PLD5: variants seen among roughly 807,000 people sequenced by gnomAD.
PLD5 encodes the protein inactive phospholipase D5.
A neutral mutation model predicts 61.1 loss-of-function variants in PLD5; 36 were observed. That is an observed-to-expected ratio of 0.59 (90% confidence interval 0.45 to 0.78). PLD5 has a LOEUF of 0.78. Among genes scored for constraint, PLD5 ranks in the 30% least tolerant of loss-of-function variants. The pLI, the probability that PLD5 is intolerant of heterozygous loss-of-function variation, is 0.00. For synonymous variants in PLD5, 243 were observed against 242.8 expected, an observed-to-expected ratio of 1.00 and a Z score of -0.01; for missense variants, 515 against 644.4, an observed-to-expected ratio of 0.80 and a Z score of 2.17.
chr1:242,229,757 T>C (rs1234629513), intron 4 of PLD5, among the ~76,000 whole-genome samples: 1 of 152,176 alleles, frequency 6.6e-6, no homozygotes, highest in Non-Finnish European at 1.5e-5. Context: ...CGCTATTACT[T>C]CTTGTATTTG....
At chr1:242,198,651 G>A (rs562017343) in intron 5 of PLD5, among the ~76,000 whole-genome samples, 8 of 132,888 alleles carry the variant, frequency 6.0e-5, no homozygotes, top group African/African-American at 2.3e-4. Flanking sequence ...TGTCTAAACT[G>A]AGATGTGCTG....
At chr1:242,185,200 G>A (rs187900896) in intron 5 of PLD5, among the ~76,000 whole-genome samples, 113 of 152,132 alleles carry the variant, frequency 7.4e-4, no homozygotes, top group Admixed American at 2.6e-3. Context: ...TATAATCAAC[G>A]CAGCCCAGCC....
intron 5 of PLD5, among the ~76,000 whole-genome samples, chr1:242,171,368 A>G (rs1337335602): frequency 6.6e-6 from 1 of 152,208 alleles, no homozygotes; most frequent in African/African-American, 2.4e-5. Context: ...CCTGCCTTAC[A>G]GGAGCTCTTG....
intron 1 of PLD5, among the ~76,000 whole-genome samples, chr1:242,454,874 T>C (rs1666898378): frequency 6.6e-6 from 1 of 152,202 alleles, no homozygotes; most frequent in South Asian, 2.1e-4. Context: ...AGTTTACCCT[T>C]TCCGGTTCTA....
chr1:242,138,854 C>T (rs1357351342), intron 5 of PLD5, among the ~76,000 whole-genome samples: 1 of 152,204 alleles, frequency 6.6e-6, no homozygotes. Context: ...CTTACTCCTA[C>T]CTGCCAGGAT....
At chr1:242,391,063 C>A (rs1054057011) in intron 1 of PLD5, among the ~76,000 whole-genome samples, 1 of 152,004 alleles carries the variant, frequency 6.6e-6, no homozygotes, top group Non-Finnish European at 1.5e-5. Flanking sequence ...GGTGTGGTGG[C>A]GGGTATCTGC....
chr1:242,383,905 G>A (rs889436562), intron 1 of PLD5, among the ~76,000 whole-genome samples: 3 of 152,164 alleles, frequency 2.0e-5, no homozygotes, highest in African/African-American at 7.2e-5. Context: ...AAGGAAACTG[G>A]TGTATGTACT....
intron 1 of PLD5, among the ~76,000 whole-genome samples, chr1:242,461,802 A>G (rs1024041284): frequency 1.6e-4 from 25 of 152,148 alleles, no homozygotes; most frequent in Admixed American, 1.1e-3. Context: ...GTGAGATGGT[A>G]TCTGGTTGTG....
intron 3 of PLD5, among the ~76,000 whole-genome samples, chr1:242,279,642 C>T (rs1455512048): frequency 2.0e-5 from 3 of 151,958 alleles, no homozygotes; most frequent in African/African-American, 4.8e-5. Flanking sequence ...CAAGCGATTC[C>T]CCCGCCTCAG....
intron 1 of PLD5, among the ~76,000 whole-genome samples, chr1:242,409,098 AAAAC>A (rs1664405806): frequency 1.3e-5 from 2 of 152,060 alleles, no homozygotes; most frequent in South Asian, 4.2e-4. Context: ...AAAGAAAAGA[AAAAC>A]AAGAAGCACC....
At chr1:242,358,728 AC>A (rs1475519251) in intron 1 of PLD5, among the ~76,000 whole-genome samples, 1 of 152,218 alleles carries the variant, frequency 6.6e-6, no homozygotes, top group African/African-American at 2.4e-5. Context: ...TGATGAATGG[AC>A]CAAACGCTAT....
chr1:242,149,985 T>C (rs1381589919), intron 5 of PLD5, among the ~76,000 whole-genome samples: 2 of 151,842 alleles, frequency 1.3e-5, no homozygotes, highest in Non-Finnish European at 3.0e-5. Context: ...TATAAACTTC[T>C]TTCAAGGCAC....
chr1:242,485,337 CCTT>C (rs1192933335), intron 1 of PLD5, among the ~76,000 whole-genome samples: 1 of 152,206 alleles, frequency 6.6e-6, no homozygotes, highest in Admixed American at 6.5e-5. Context: ...CCCAAAATCT[CCTT>C]AAGCTGATAA....
Position 242,083,710 on chromosome 1 carries a change from A to G in PLD5, c.*6144T>C, listed in dbSNP as rs535305345. 1.3e-5 allele frequency: 2 copies of G among 152,154 alleles called. No homozygotes were observed. The highest frequency in any genetic ancestry group is 1.9e-4 in the East Asian group (1 of 5,188). The allele number at this position is 152,154 out of a possible 1,614,324, so 9.4% of individuals were successfully genotyped here. A position where few individuals can be genotyped will look rare whatever the true frequency, so the allele number is the denominator to read the frequency against. On this transcript the variant is annotated 3_prime_UTR_variant, in exon 10 of 10. Coordinates refer to ENST00000536534, the MANE Select transcript of PLD5 (RefSeq NM_001372062.1). ...AAGCAGCTAATCTTCACTTTTAACT[A>G]TTAAGTGAAATTGTAGATTACGCTC...
At chr1:242,410,519 C>A (rs977476743) in intron 1 of PLD5, among the ~76,000 whole-genome samples, 3 of 151,986 alleles carry the variant, frequency 2.0e-5, no homozygotes, top group South Asian at 4.1e-4. Flanking sequence ...AGTTAAGATA[C>A]CTACTGTTGA....
chr1:242,472,737 ACT>A (rs1214379361), intron 1 of PLD5, among the ~76,000 whole-genome samples: 2 of 152,118 alleles, frequency 1.3e-5, no homozygotes, highest in Non-Finnish European at 2.9e-5. Flanking sequence ...AGTTAAATAG[ACT>A]CTATATTTTA....
Position 242,445,588 on chromosome 1 carries a change from C to T in PLD5, c.189+78500G>A, listed in dbSNP as rs1368252931. 3.9e-5 allele frequency among the ~76,000 whole-genome samples: 6 copies of T among 152,018 alleles called. No individual in the cohort carries two copies. In the East Asian group the frequency reaches 5.8e-4, roughly 15 times the overall value. ...AACTCCTGACCTCAGGCCATCCACC[C>T]GCCTCGGCCTCCCAAAGTGCTGAGA... On this transcript the variant is annotated intron_variant, in intron 1 of 9. Transcript: ENST00000536534.
chr1:242,213,537 T>C (rs756533475), intron 5 of PLD5, among the ~76,000 whole-genome samples: 10 of 152,000 alleles, frequency 6.6e-5, no homozygotes, highest in Non-Finnish European at 1.2e-4. Flanking sequence ...CCTCAAAAGG[T>C]TAAATACTAG....
intron 2 of PLD5, among the ~76,000 whole-genome samples, chr1:242,315,150 T>C (rs1415308882): frequency 1.3e-5 from 2 of 152,296 alleles, no homozygotes; most frequent in South Asian, 2.1e-4. Flanking sequence ...GTTTAGCCTC[T>C]GCAGTGGGGA....
Sources: allele counts gnomAD v4.1 joint callset (sites outside exome capture counted in the v4.1 genomes callset), GRCh38; gene constraint gnomAD v4.1.1; transcripts MANE v1.5; gene names NCBI Gene and HGNC (gene_info 2026-07-23, HGNC 2026-07-21).